INSL6: variants seen among roughly 807,000 people sequenced by gnomAD.
INSL6 encodes the protein insulin-like peptide INSL6.
Under a neutral mutation model 9.4 loss-of-function variants are expected in INSL6, and 16 were observed. That is an observed-to-expected ratio of 1.70 (90% CI 1.15 to 2.59). The LOEUF is 2.59. Ranked by LOEUF, INSL6 falls within the 30% of genes most tolerant of loss-of-function variation. INSL6 has a pLI of 0.00. For synonymous variants in INSL6, 154 were observed against 96.9 expected, an observed-to-expected ratio of 1.59 and a Z score of -3.46; for missense variants, 391 against 257.3, an observed-to-expected ratio of 1.52 and a Z score of -3.56.
chr9:5,055,944 T>C, the INSL6 span, among the ~76,000 whole-genome samples: 1 of 152,052 alleles, frequency 6.6e-6, no homozygotes, highest in African/African-American at 2.4e-5. Context: ...TTTGATAACA[T>C]CTAGCTTTTT....
chr9:5,088,886 C>G, the INSL6 span, among the ~76,000 whole-genome samples: 1 of 152,210 alleles, frequency 6.6e-6, no homozygotes, highest in African/African-American at 2.4e-5. Context: ...AAGGCCCTAT[C>G]TCCAAATACA....
At chr9:5,085,555 A>G in the INSL6 span, 9 of 695,488 alleles carry the variant, frequency 1.3e-5, no homozygotes, top group African/African-American at 3.5e-5. Flanking sequence ...TAAAATAGAT[A>G]TAACAGCTGT....
At chr9:4,994,957 TG>T in the INSL6 span, among the ~76,000 whole-genome samples, 2 of 152,134 alleles carry the variant, frequency 1.3e-5, no homozygotes, top group Non-Finnish European at 2.9e-5. Flanking sequence ...TGTGTGTGTG[TG>T]ACTATAACTA....
the INSL6 span, chr9:5,085,377 C>CG: frequency 2.2e-6 from 2 of 906,132 alleles, no homozygotes; most frequent in South Asian, 2.6e-5. Flanking sequence ...TCTCATGCAC[C>CG]ACTGGGTCGG....
chr9:5,041,581 G>T, the INSL6 span: 2 of 505,266 alleles, frequency 4.0e-6, no homozygotes, highest in Non-Finnish European at 7.9e-6. Context: ...CACTACGTGC[G>T]GCGCCTGGAC....
chr9:5,182,608 C>G (rs1340393880), intron 1 of INSL6, among the ~76,000 whole-genome samples: 1 of 151,424 alleles, frequency 6.6e-6, no homozygotes, highest in East Asian at 1.9e-4. Flanking sequence ...AGAGAAGGGC[C>G]CTTTACAGAC....
Position 5,176,932 on chromosome 9 carries a change from GAAA to G in INSL6, c.289+8379_289+8381del, listed in dbSNP as rs748083399. 2.0e-5 allele frequency among the ~76,000 whole-genome samples: 3 copies of G among 151,314 alleles called. No homozygotes were observed. In the South Asian group the frequency reaches 6.3e-4, roughly 32 times the overall value. ...TTCACAGGTATTTACAATAGCTAAA[GAAA>G]AAAAAGTATTAAGCATGAAATTAAC... On this transcript the variant is annotated intron_variant, in intron 1 of 1. Coordinates refer to ENST00000381641, the MANE Select transcript of INSL6 (RefSeq NM_007179.3).
chr9:5,126,573 G>A, intron 3 of INSL6: 1 of 930,066 alleles, frequency 1.1e-6, no homozygotes, highest in Non-Finnish European at 1.7e-6. Context: ...AGATGACTGT[G>A]GAACAAGGCA....
At chr9:5,044,351 G>T in the INSL6 span, 3 of 1,109,974 alleles carry the variant, frequency 2.7e-6, no homozygotes, top group South Asian at 2.5e-5. Context: ...TAGATAGTAC[G>T]TTTGTATTTG....
rs371827418 is a variant in INSL6 at position 5,138,513 on chromosome 9, A to G, written c.377-4921T>C. 3.4e-3 allele frequency among the ~76,000 whole-genome samples: 517 copies of G among 152,296 alleles called. 2 individuals are homozygous for G. The highest frequency in any genetic ancestry group is 0.014 in the Middle Eastern group (4 of 294). ...AACCAAACACCACATGTTCTCACTC[A>G]TAAGTGGGAGTTGAACAATAAGAAC... On this transcript the variant is annotated intron_variant, in intron 2 of 3. Transcript: ENST00000649639.
chr9:5,085,859 G>GTCT, the INSL6 span: 1 of 773,902 alleles, frequency 1.3e-6, no homozygotes, highest in Non-Finnish European at 2.4e-6. Flanking sequence ...AGTACTCAGA[G>GTCT]ATTTCCTTAA....
chr9:5,052,719 C>T, the INSL6 span, among the ~76,000 whole-genome samples: 2 of 152,034 alleles, frequency 1.3e-5, no homozygotes, highest in Non-Finnish European at 2.9e-5. Context: ...TCAAACATTT[C>T]ATATAAATAG....
chr9:5,133,185 G>C (rs547937944), intron 3 of INSL6, among the ~76,000 whole-genome samples: 14 of 150,526 alleles, frequency 9.3e-5, no homozygotes, highest in African/African-American at 3.5e-4. Context: ...GAGGAAATTA[G>C]GGAAAGATGT....
chr9:5,042,178 C>G, the INSL6 span, among the ~76,000 whole-genome samples: 68 of 147,108 alleles, frequency 4.6e-4, 1 homozygote, highest in African/African-American at 1.7e-3. Context: ...TCGCCCAGGC[C>G]GGACTGCGGA....
chr9:5,082,325 T>G, the INSL6 span, among the ~76,000 whole-genome samples: 1 of 152,128 alleles, frequency 6.6e-6, no homozygotes, highest in Non-Finnish European at 1.5e-5. Flanking sequence ...CACAAATAAG[T>G]TCAAGGGAAG....
At chr9:5,013,475 C>T in the INSL6 span, among the ~76,000 whole-genome samples, 10 of 152,060 alleles carry the variant, frequency 6.6e-5, no homozygotes, top group East Asian at 1.5e-3. Context: ...TTCTTCAGAC[C>T]ACTCCATTGC....
chr9:5,098,283 C>G, the INSL6 span: 1 of 152,136 alleles, frequency 6.6e-6, no homozygotes. Flanking sequence ...AAGATATTAG[C>G]AAATTCATTA....
chr9:5,020,771 T>G, the INSL6 span, among the ~76,000 whole-genome samples: 2 of 152,096 alleles, frequency 1.3e-5, no homozygotes, highest in East Asian at 3.9e-4. Flanking sequence ...TGGCTTGTGC[T>G]TTGGTCCCAG....
At chr9:5,013,334 A>G in the INSL6 span, among the ~76,000 whole-genome samples, 3 of 152,262 alleles carry the variant, frequency 2.0e-5, no homozygotes, top group African/African-American at 7.2e-5. Context: ...AAAACATAGT[A>G]TATCTACTTG....
Sources: gnomAD v4.1 joint callset for allele counts (sites outside exome capture counted in the v4.1 genomes callset) on GRCh38, gnomAD v4.1.1 for gene constraint, MANE v1.5 for transcripts, NCBI Gene and HGNC (gene_info 2026-07-23, HGNC 2026-07-21) for gene names.